EXOSC2: variants seen among roughly 807,000 people sequenced by gnomAD.
EXOSC2 encodes exosome component 2.
EXOSC2 carries 29 observed loss-of-function variants against 37.6 expected under a neutral mutation model. The observed-to-expected ratio is 0.77, with a 90% confidence interval of 0.57 to 1.05. The LOEUF is 1.05. Among genes scored for constraint, EXOSC2 ranks in the 50% least tolerant of loss-of-function variants. EXOSC2 has a pLI of 0.00. For synonymous variants in EXOSC2, 119 were observed against 131.1 expected (o/e 0.91, Z 0.63); for missense variants, 346 against 365.6 (o/e 0.95, Z 0.44).
chr9:130,700,329 T>TTTTATTTATTTA (rs367666983), intron 5 of EXOSC2, among the ~76,000 whole-genome samples: 9 of 140,590 alleles, frequency 6.4e-5, no homozygotes, highest in African/African-American at 1.9e-4. Flanking sequence ...TCTGTCTTTA[T>TTTTATTTATTTA]TTTATTTATT....
chr9:130,703,930 T>C lies in EXOSC2; in HGVS notation c.*156T>C. The C allele has an allele frequency of 1.7e-6, 1 of 580,570 alleles. No individual in the cohort carries two copies. Among genetic ancestry groups the C allele is most frequent in the South Asian group, 2.6e-5 (1 of 38,834 alleles). The allele number at this position is 580,570 out of a possible 1,614,324, so 36.0% of individuals were successfully genotyped here. The stretch of plus-strand genomic sequence containing the variant: ...TCCAGCCCACAGGCCTGCTTTCTCC[T>C]GTCCTAACACCAAGCCTGGGTGGCA... On this transcript the variant is annotated 3_prime_UTR_variant, in exon 9 of 9. Transcript: ENST00000372358.
intron 7 of EXOSC2, 135 bp downstream of exon 7, chr9:130,702,445 T>A: frequency 1.5e-6 from 1 of 685,754 alleles, no homozygotes; most frequent in Non-Finnish European, 2.5e-6. Flanking sequence ...TCCATCACGG[T>A]ATGTTCATGA....
At chr9:130,695,752 T>A (rs1477795926) in intron 2 of EXOSC2, 159 bp downstream of exon 2, 2 of 633,308 alleles carry the variant, frequency 3.2e-6, no homozygotes, top group East Asian at 5.6e-5. Flanking sequence ...TGCAGATCAG[T>A]GCAGGCTTCA....
At position 130,703,747 on chromosome 9, in the gene EXOSC2, C is replaced by T; in HGVS notation, c.855C>T (p.Arg285=). The change falls in exon 9 of 9, where the codon CGC becomes CGT. Residue 285 remains arginine (R), a synonymous_variant. Coordinates refer to ENST00000372358, the MANE Select transcript of EXOSC2 (RefSeq NM_014285.7). The part of the protein sequence containing the change: ...EIMEEIVMET[R]QRLLEQEG The stretch of plus-strand genomic sequence containing the variant: ...TGGAGGAGATTGTGATGGAAACACG[C>T]CAGAGGCTTTTGGAACAGGAGGGAT... 1 of 1,613,696 alleles carries T rather than the reference C, an allele frequency of 6.2e-7. No homozygotes were observed. Among genetic ancestry groups the T allele is most frequent in the Non-Finnish European group, 8.5e-7 (1 of 1,179,776 alleles).
At position 130,698,408 on chromosome 9, in the gene EXOSC2, CTT is replaced by C. The variant is rs1401745680; in HGVS notation, c.360+160_360+161del. 1.3e-5 allele frequency among the ~76,000 whole-genome samples: 2 copies of C among 152,166 alleles called. No homozygotes were observed. The highest frequency in any genetic ancestry group is 2.9e-5 in the Non-Finnish European group (2 of 68,036). On this transcript the variant is annotated intron_variant, in intron 4 of 8. Transcript: ENST00000372358. The surrounding 1 kb of genome is among the most constrained non-coding windows in gnomAD (Gnocchi z 4.1). ...TTTGCTGCCTAGATGTGTATGTAGA[CTT>C]TTCACCCTGTCCAGGTCTCCCGAAA...
chr9:130,702,075 T>C (rs1169817570), intron 6 of EXOSC2, 59 bp from the exon 7 acceptor site: 3 of 1,576,396 alleles, frequency 1.9e-6, no homozygotes, highest in East Asian at 4.5e-5. Context: ...TTCTGTAGTC[T>C]CCTTTTCATT....
In EXOSC2 at chr9:130,698,028, A is replaced by G; in HGVS notation, c.271-134A>G. The G allele has an allele frequency of 1.3e-6, 1 of 744,582 alleles. No homozygotes were observed. Among genetic ancestry groups the G allele is most frequent in the Non-Finnish European group, 2.3e-6 (1 of 429,420 alleles). 46.1% of individuals were successfully genotyped at this position (744,582 alleles called of 1,614,324 possible). On this transcript the variant is annotated intron_variant, in intron 3 of 8. Coordinates refer to ENST00000372358, the MANE Select transcript of EXOSC2 (RefSeq NM_014285.7). The surrounding 1 kb of genome is among the most constrained non-coding windows in gnomAD (Gnocchi z 4.1). ...AGGCTGGTCTCAAACTCCTGACCTCAAGTGATCCACCAGCTTCGGCCTCCC... is the reference window on the plus strand; with the variant it reads ...AGGCTGGTCTCAAACTCCTGACCTCGAGTGATCCACCAGCTTCGGCCTCCC...
In EXOSC2 at chr9:130,698,098, T is replaced by A; in HGVS notation, c.271-64T>A. 6.6e-7 allele frequency: 1 copy of A among 1,507,518 alleles called. No individual in the cohort carries two copies. Among genetic ancestry groups the A allele is most frequent in the South Asian group, 1.1e-5 (1 of 88,494 alleles). The allele number at this position is 1,507,518 out of a possible 1,614,324, so 93.4% of individuals were successfully genotyped here. On this transcript the variant is annotated intron_variant, in intron 3 of 8. Transcript: ENST00000372358. The surrounding 1 kb of genome is among the most constrained non-coding windows in gnomAD (Gnocchi z 4.1). ...CGTGAGCCACCACATCTGGCCTTAC[T>A]GGTTATTTATGATATGACACATGAA...
chr9:130,701,948 T>C, intron 6 of EXOSC2, 186 bp from the exon 7 acceptor site: 1 of 1,409,866 alleles, frequency 7.1e-7, no homozygotes, highest in Non-Finnish European at 9.2e-7. Flanking sequence ...CTGGGATGTA[T>C]GAATAGCCTC....
At chr9:130,695,389 C>T in intron 1 of EXOSC2, 103 bp from the exon 2 acceptor site, 1 of 970,646 alleles carries the variant, frequency 1.0e-6, no homozygotes. Context: ...CCACGCTTTG[C>T]AGGGGGAGCC....
intron 2 of EXOSC2, among the ~76,000 whole-genome samples, chr9:130,696,628 G>A (rs1383784594): frequency 1.3e-5 from 2 of 152,158 alleles, no homozygotes; most frequent in East Asian, 3.8e-4. Context: ...ATCATGAAAA[G>A]CTGTTGGGTT....
At chr9:130,695,344 A>G (rs960465326) in intron 1 of EXOSC2, 148 bp from the exon 2 acceptor site, 58 of 674,676 alleles carry the variant, frequency 8.6e-5, no homozygotes, top group Non-Finnish European at 1.4e-4. Flanking sequence ...CTGGAGAAGG[A>G]GCACTGAAGG....
rs148987082 is a variant in EXOSC2, at chr9:130,702,229, C to T, written c.591C>T (p.Leu197=). The change falls in exon 7 of 9, where the codon CTC becomes CTT. Residue 197 remains leucine (L), a synonymous_variant. Transcript: ENST00000372358. ...HDLPCGASVI[L]GNNGFIWIYP... ...TGCCATGTGGTGCCTCAGTGATTCT[C>T]GGTAACAACGGCTTCATCTGGATTT... 6.9e-5 allele frequency: 111 copies of T among 1,614,144 alleles called. No homozygotes were observed. In the African/African-American group the frequency reaches 1.0e-3, roughly 15 times the overall value.
rs754330139 is a variant in EXOSC2 at position 130,698,848 on chromosome 9, T to C, written c.361-481T>C. ...TAGTCCCTGGCAGTAGAAGAATAAATAAGCTGTGGTTATACAAAAGGAAAT... is the reference window on the plus strand; with the variant it reads ...TAGTCCCTGGCAGTAGAAGAATAAACAAGCTGTGGTTATACAAAAGGAAAT... On this transcript the variant is annotated intron_variant, in intron 4 of 8. Transcript: ENST00000372358. The surrounding 1 kb of genome is among the most constrained non-coding windows in gnomAD (Gnocchi z 4.1). Among the ~76,000 whole-genome samples the C allele has an allele frequency of 2.0e-5, 3 of 152,146 alleles. No individual in the cohort carries two copies. Among genetic ancestry groups the C allele is most frequent in the Non-Finnish European group, 4.4e-5 (3 of 68,034 alleles).
chr9:130,693,804 A>G lies in EXOSC2; in HGVS notation c.13A>G (p.Met5Val), dbSNP rs763460421. The change falls in exon 1 of 9, where the codon ATG becomes GTG. Residue 5 changes from methionine (M) to valine (V), a missense_variant. Physicochemically the swap from Met to Val is conservative, Grantham distance 21. Transcript: ENST00000372358. ...CATTGGCGCCAAGATGGCGATGGAGATGAGGCTTCCAGTGGCTCGCAAGCC... is the reference window on the plus strand; with the variant it reads ...CATTGGCGCCAAGATGGCGATGGAGGTGAGGCTTCCAGTGGCTCGCAAGCC... MAME[M>V]RLPVARKPLS... 6.8e-6 allele frequency: 11 copies of G among 1,607,194 alleles called. No homozygotes were observed. Among genetic ancestry groups the G allele is most frequent in the Non-Finnish European group, 9.4e-6 (11 of 1,175,454 alleles).
chr9:130,697,519 G>C, intron 2 of EXOSC2, 63 bp from the exon 3 acceptor site: 1 of 1,508,504 alleles, frequency 6.6e-7, no homozygotes, highest in South Asian at 1.1e-5. Context: ...ATCTCAAATG[G>C]TGTGTGGTCT....
chr9:130,700,341 A>G (rs928478412), intron 5 of EXOSC2, among the ~76,000 whole-genome samples: 1 of 143,140 alleles, frequency 7.0e-6, no homozygotes, highest in Non-Finnish European at 1.5e-5. Flanking sequence ...TTATTTATTT[A>G]TTTATTTATT....
Position 130,699,393 on chromosome 9 carries a change from G to A in EXOSC2, c.425G>A (p.Ser142Asn). ...RGFLQEGDLISAEVQAVFSDG... is the reference protein window; with the variant it reads ...RGFLQEGDLINAEVQAVFSDG... ...TTCTTACAGGAAGGGGACCTTATCA[G>A]TGTATCCTGCGCTTTGCACTCCAGC... The change falls in exon 5 of 9, where the codon AGT (serine) becomes AAT (asparagine). Residue 142 changes from serine to asparagine, a missense_variant and splice_region_variant. Coordinates refer to ENST00000372358, the MANE Select transcript of EXOSC2 (RefSeq NM_014285.7). The A allele has an allele frequency of 6.2e-7, 1 of 1,614,174 alleles. No homozygotes were observed. Among genetic ancestry groups the A allele is most frequent in the South Asian group, 1.1e-5 (1 of 91,090 alleles).
In EXOSC2 at chr9:130,704,794, G is replaced by A. The variant is rs549201498; in HGVS notation, c.*1020G>A. 6.6e-6 allele frequency: 1 copy of A among 152,296 alleles called. No homozygotes were observed. Among genetic ancestry groups the A allele is most frequent in the East Asian group, 1.9e-4 (1 of 5,188 alleles). The allele number at this position is 152,296 out of a possible 1,614,324, so 9.4% of individuals were successfully genotyped here. A position where few individuals can be genotyped will look rare whatever the true frequency, so the allele number is the denominator to read the frequency against. On this transcript the variant is annotated 3_prime_UTR_variant, in exon 9 of 9. Coordinates refer to ENST00000372358, the MANE Select transcript of EXOSC2 (RefSeq NM_014285.7). Reference sequence around the variant, plus strand: ...GTTTTCATCCTATAATTGAAGTAGTGTGGAGCATTAACTTGTGGATGATTC... The same window carrying A: ...GTTTTCATCCTATAATTGAAGTAGTATGGAGCATTAACTTGTGGATGATTC...
Sources: allele counts gnomAD v4.1 joint callset (sites outside exome capture counted in the v4.1 genomes callset), GRCh38; gene constraint gnomAD v4.1.1; non-coding constraint Gnocchi (gnomAD v3.1); transcripts MANE v1.5; gene names NCBI Gene and HGNC (gene_info 2026-07-23, HGNC 2026-07-21).